ZNF385D: variants seen among roughly 807,000 people sequenced by gnomAD.
ZNF385D encodes the protein zinc finger protein 659.
In ZNF385D, 15 loss-of-function variants were observed where a neutral mutation model predicts 35.8. The observed-to-expected ratio is 0.42, with a 90% CI of 0.28 to 0.64. The LOEUF (loss-of-function observed/expected upper bound fraction) is 0.64, where lower values mean the gene tolerates loss of function less well. Among genes scored for constraint, ZNF385D ranks in the 30% least tolerant of loss-of-function variants. The probability of loss-of-function intolerance (pLI) is 0.23; values close to 1 mark genes in which losing one functional copy is unlikely to be tolerated. For synonymous variants in ZNF385D, 212 were observed against 186.8 expected, an observed-to-expected ratio of 1.13 and a Z score of -1.10; for missense variants, 474 against 494.6, an observed-to-expected ratio of 0.96 and a Z score of 0.39.
At position 21,492,420 on chromosome 3, in the gene ZNF385D, CA is replaced by C. The variant is rs754073394; in HGVS notation, c.439+18440del. ...AAAACAAACAAACAAGAAACAAGAC[CA>C]AAAAAAAAAAAAAAACTTTGTCAAT... On this transcript the variant is annotated intron_variant, in intron 4 of 7. Coordinates refer to ENST00000281523, the MANE Select transcript of ZNF385D (RefSeq NM_024697.3). 4.5e-3 allele frequency among the ~76,000 whole-genome samples: 481 copies of C among 106,552 alleles called. 1 individual carries two copies. The highest frequency in any genetic ancestry group is 6.7e-3 in the African/African-American group (191 of 28,696). The allele number at this position is 106,552 out of a possible 152,430, so 69.9% of individuals were successfully genotyped here.
At chr3:21,643,005 C>T (rs777226344) in intron 2 of ZNF385D, among the ~76,000 whole-genome samples, 8 of 151,654 alleles carry the variant, frequency 5.3e-5, no homozygotes, top group Admixed American at 1.3e-4. Context: ...AGACAGATGG[C>T]GGTGACGAAT....
At position 21,708,877 on chromosome 3, in the gene ZNF385D, A is replaced by G. The variant is rs189934699; in HGVS notation, c.22+42018T>C. Among the ~76,000 whole-genome samples, 54 of 152,162 alleles carry G rather than the reference A, an allele frequency of 3.5e-4. 1 individual carries two copies. The East Asian group carries it at 9.7e-3, about 27-fold the overall frequency. On this transcript the variant is annotated intron_variant, in intron 1 of 7. Transcript: ENST00000281523. ...TGTGGGCGTGCACACACACACACAC[A>G]CACACACACTAACAACAACAATAAT...
chr3:21,468,329 G>A (rs1383613722), intron 4 of ZNF385D, among the ~76,000 whole-genome samples: 1 of 150,034 alleles, frequency 6.7e-6, no homozygotes, highest in East Asian at 2.0e-4. Context: ...TTGAACCTGG[G>A]AGGCAGAGGT....
intron 3 of ZNF385D, among the ~76,000 whole-genome samples, chr3:21,906,075 C>T (rs139151399): frequency 4.1e-4 from 63 of 152,300 alleles, no homozygotes; most frequent in Non-Finnish European, 7.8e-4. Context: ...TAAACTTCCG[C>T]ATATCCATCT....
chr3:22,049,994 G>T (rs1453478638), intron 3 of ZNF385D, among the ~76,000 whole-genome samples: 1 of 152,108 alleles, frequency 6.6e-6, no homozygotes, highest in Non-Finnish European at 1.5e-5. Context: ...TTTGGTATCA[G>T]GATAATGCTA....
chr3:21,855,171 A>T (rs1322896742), intron 3 of ZNF385D, among the ~76,000 whole-genome samples: 1 of 152,042 alleles, frequency 6.6e-6, no homozygotes, highest in Non-Finnish European at 1.5e-5. Flanking sequence ...AAGTAACAGC[A>T]TATTGTTATT....
intron 3 of ZNF385D, among the ~76,000 whole-genome samples, chr3:21,832,793 A>T (rs988597738): frequency 6.6e-6 from 1 of 152,092 alleles, no homozygotes; most frequent in Non-Finnish European, 1.5e-5. Flanking sequence ...GTCCTTCCAG[A>T]TTTGAAGTTT....
intron 2 of ZNF385D, among the ~76,000 whole-genome samples, chr3:22,208,793 G>GCA (rs1204667300): frequency 5.3e-5 from 8 of 151,906 alleles, no homozygotes; most frequent in African/African-American, 1.9e-4. Context: ...ATGTGATGAG[G>GCA]CATTGTCAGC....
At chr3:21,716,009 C>A (rs1164929279) in intron 1 of ZNF385D, among the ~76,000 whole-genome samples, 1 of 152,064 alleles carries the variant, frequency 6.6e-6, no homozygotes, top group South Asian at 2.1e-4. Context: ...TCTAGTTATT[C>A]AACTTTGAAT....
chr3:21,633,336 A>G (rs1045998114), intron 2 of ZNF385D, among the ~76,000 whole-genome samples: 1 of 152,082 alleles, frequency 6.6e-6, no homozygotes, highest in Non-Finnish European at 1.5e-5. Flanking sequence ...GAAACTTTAA[A>G]TTGGAGTATG....
chr3:21,689,789 C>T (rs73042130), intron 1 of ZNF385D, among the ~76,000 whole-genome samples: 7,587 of 151,504 alleles, frequency 0.05, 277 homozygotes, highest in East Asian at 0.12. Flanking sequence ...ATTGCCCAGG[C>T]GATACTGATG....
At chr3:21,850,120 TA>T (rs1696292080) in intron 3 of ZNF385D, among the ~76,000 whole-genome samples, 1 of 151,626 alleles carries the variant, frequency 6.6e-6, no homozygotes, top group Admixed American at 6.6e-5. Flanking sequence ...CATGTAAAAT[TA>T]AGCTGTTATA....
Position 21,479,150 on chromosome 3 carries a change from G to GTT in ZNF385D, c.439+31709_439+31710dup, listed in dbSNP as rs11435047. On this transcript the variant is annotated intron_variant, in intron 4 of 7. Coordinates refer to ENST00000281523, the MANE Select transcript of ZNF385D (RefSeq NM_024697.3). ...GAAAGTATAAAAGTCTAGAAGTATT[G>GTT]TTTTTTTTTTTCTACTGAAAGCTTT... Among the ~76,000 whole-genome samples the GTT allele has an allele frequency of 1.1e-3, 166 of 147,034 alleles. 1 individual carries two copies. The highest frequency in any genetic ancestry group is 1.2e-3 in the Non-Finnish European group (77 of 66,562).
intron 2 of ZNF385D, among the ~76,000 whole-genome samples, chr3:22,256,011 A>G (rs1012210073): frequency 1.3e-5 from 2 of 151,714 alleles, no homozygotes; most frequent in Non-Finnish European, 2.9e-5. Context: ...CAGTGCTGCT[A>G]GAATATAAGC....
At chr3:21,748,680 G>A (rs1206169510) in intron 1 of ZNF385D, among the ~76,000 whole-genome samples, 3 of 152,134 alleles carry the variant, frequency 2.0e-5, no homozygotes, top group Non-Finnish European at 4.4e-5. Context: ...AAATGAAGAA[G>A]AAAGTAATGG....
At chr3:22,152,211 T>G (rs969914109) in intron 3 of ZNF385D, among the ~76,000 whole-genome samples, 1 of 152,176 alleles carries the variant, frequency 6.6e-6, no homozygotes, top group Non-Finnish European at 1.5e-5. Context: ...TGCATAGTAA[T>G]TTAAACAATT....
At chr3:21,788,852 C>A (rs1416328650) in intron 3 of ZNF385D, among the ~76,000 whole-genome samples, 5 of 152,132 alleles carry the variant, frequency 3.3e-5, no homozygotes, top group African/African-American at 4.8e-5. Context: ...AAGGCACTGG[C>A]CAATGTGGCC....
rs7619700 is a variant in ZNF385D at position 22,145,692 on chromosome 3, C to A, written c.325+23125G>T. 1.7e-4 allele frequency among the ~76,000 whole-genome samples: 26 copies of A among 152,190 alleles called. No individual in the cohort carries two copies. The East Asian group carries it at 4.4e-3, about 26-fold the overall frequency. On this transcript the variant is annotated intron_variant, in intron 3 of 5. Coordinates refer to the ZNF385D transcript ENST00000494108. ...GGATGAGGAGTTAGCAGGAAGAAATCAGACCTAATCAGTACATTGATAAGA... is the reference window on the plus strand; with the variant it reads ...GGATGAGGAGTTAGCAGGAAGAAATAAGACCTAATCAGTACATTGATAAGA...
At chr3:22,212,818 G>C (rs1032653350) in intron 2 of ZNF385D, among the ~76,000 whole-genome samples, 2 of 151,908 alleles carry the variant, frequency 1.3e-5, no homozygotes, top group Non-Finnish European at 2.9e-5. Context: ...ACATTCGCTT[G>C]TTATCTTATT....
Sources: allele counts gnomAD v4.1 joint callset (sites outside exome capture counted in the v4.1 genomes callset), GRCh38; gene constraint gnomAD v4.1.1; transcripts MANE v1.5; gene names NCBI Gene and HGNC (gene_info 2026-07-23, HGNC 2026-07-21).